The following NEB variants were observed in gnomAD, a reference collection of about 807,000 sequenced individuals.
NEB encodes the protein nemaline myopathy type 2.
NEB carries 512 observed loss-of-function variants against 952.2 expected under a neutral mutation model. The observed-to-expected ratio is 0.54, with a 90% CI of 0.50 to 0.58. NEB has a LOEUF of 0.58. Among genes scored for constraint, NEB ranks in the 20% least tolerant of loss-of-function variants. NEB has a pLI of 0.00. For synonymous variants in NEB, 2,900 were observed against 3,149.8 expected, an observed-to-expected ratio of 0.92 and a Z score of 2.66; for missense variants, 8,428 against 9,231.1, an observed-to-expected ratio of 0.91 and a Z score of 3.56.
At position 151,667,999 on chromosome 2, in the gene NEB, C is replaced by T. The variant is rs142954326; in HGVS notation, c.4612-88G>A. The T allele has an allele frequency of 9.3e-4, 881 of 943,308 alleles. 1 individual carries two copies. Among genetic ancestry groups the T allele is most frequent in the East Asian group, 8.4e-3 (320 of 38,058 alleles). 58.4% of individuals were successfully genotyped at this position (943,308 alleles called of 1,614,324 possible). On this transcript the variant is annotated intron_variant, in intron 39 of 181. Coordinates refer to ENST00000397345, the MANE Select transcript of NEB (RefSeq NM_001164508.2). The stretch of plus-strand genomic sequence containing the variant: ...CCAAAATGTTTCTTATAAAACATGT[C>T]GTAATAGATCCCTTTCTATTAAGAC...
chr2:151,500,114 CAATG>C (rs944814903), intron 168 of NEB, among the ~76,000 whole-genome samples: 4 of 151,952 alleles, frequency 2.6e-5, no homozygotes, highest in African/African-American at 9.7e-5. Flanking sequence ...ACAGGGAAAA[CAATG>C]AGTATAACAT....
At chr2:151,554,825 T>C (rs1333131298) in intron 125 of NEB, 106 bp downstream of exon 125, 14 of 836,606 alleles carry the variant, frequency 1.7e-5, no homozygotes, top group Non-Finnish European at 2.9e-5. Flanking sequence ...CATCTAGGTA[T>C]GTGGAAGTGC....
intron 170 of NEB, 191 bp from the exon 171 acceptor site, chr2:151,497,909 TC>T: frequency 1.4e-6 from 2 of 1,475,330 alleles, no homozygotes; most frequent in Non-Finnish European, 1.8e-6. Context: ...AGCAGGGACT[TC>T]AGCTGCTGAG....
At chr2:151,501,801 T>A (rs2064800301) in intron 167 of NEB, among the ~76,000 whole-genome samples, 1 of 152,058 alleles carries the variant, frequency 6.6e-6, no homozygotes, top group South Asian at 2.1e-4. Context: ...CCATGAGTTG[T>A]TGGTAACATT....
chr2:151,713,720 G>A (rs527241220), intron 10 of NEB, among the ~76,000 whole-genome samples: 1 of 152,208 alleles, frequency 6.6e-6, no homozygotes, highest in South Asian at 2.1e-4. Flanking sequence ...TTCCCCACCT[G>A]GAAGGCCTGT....
At chr2:151,641,649 T>C (rs2098849528) in intron 60 of NEB, among the ~76,000 whole-genome samples, 1 of 152,208 alleles carries the variant, frequency 6.6e-6, no homozygotes, top group Non-Finnish European at 1.5e-5. Context: ...TGATTTTTAA[T>C]GACAGGTAGG....
rs371783915 is a variant in NEB at position 151,490,503 on chromosome 2, C to T, written c.25166G>A (p.Arg8389Gln). Reference protein sequence around the residue: ...LHMINVQAQRRSREQSRSASA... With the variant: ...LHMINVQAQRQSREQSRSASA... ...GGCAGATCGTGACTGCTCCCGGCTC[C>T]GGCGCTGAGCTTGGACTGGGAGAGA... Residue 8389 changes from arginine to glutamine, a missense_variant, in exon 180 of 182, where the codon CGG becomes CAG. By Grantham distance (43) the Arg-to-Gln change is conservative (BLOSUM62 1). Around this residue, in one of 11 missense-constraint regions of NEB, gnomAD observed 3,374 missense variants for 3,651.5 expected, o/e 0.92. Transcript: ENST00000397345. 24 of 1,608,978 alleles carry T rather than the reference C, an allele frequency of 1.5e-5. 1 individual carries two copies. The highest frequency in any genetic ancestry group is 6.7e-5 in the East Asian group (3 of 44,736).
chr2:151,497,824 T>TA (rs1475315948), intron 170 of NEB, 106 bp from the exon 171 acceptor site: 5 of 1,528,880 alleles, frequency 3.3e-6, no homozygotes, highest in East Asian at 4.9e-5. Flanking sequence ...AGCCAGAAGT[T>TA]ATATGCTGAC....
At chr2:151,549,600 C>T in intron 130 of NEB, 36 bp downstream of exon 130, 1 of 1,394,880 alleles carries the variant, frequency 7.2e-7, no homozygotes, top group Non-Finnish European at 1.0e-6. Flanking sequence ...GCCACCCCAC[C>T]TTCAGACCCA....
intron 141 of NEB, among the ~76,000 whole-genome samples, chr2:151,536,415 G>A (rs2093215819): frequency 6.6e-6 from 1 of 152,096 alleles, no homozygotes; most frequent in Non-Finnish European, 1.5e-5. Context: ...ATTTAACTTT[G>A]AAAGTATTTT....
At chr2:151,523,461 TCAAA>T (rs1348078660) in intron 153 of NEB, among the ~76,000 whole-genome samples, 1 of 152,172 alleles carries the variant, frequency 6.6e-6, no homozygotes. Flanking sequence ...ACCTATTTCT[TCAAA>T]CAGATACCTG....
At position 151,707,017 on chromosome 2, in the gene NEB, T is replaced by C; in HGVS notation, c.1036-20A>G. 6.8e-7 allele frequency: 1 copy of C among 1,471,954 alleles called. No individual in the cohort carries two copies. Among genetic ancestry groups the C allele is most frequent in the South Asian group, 1.2e-5 (1 of 81,044 alleles). The allele number at this position is 1,471,954 out of a possible 1,614,324, so 91.2% of individuals were successfully genotyped here. On this transcript the variant is annotated intron_variant, in intron 12 of 181. Coordinates refer to ENST00000397345, the MANE Select transcript of NEB (RefSeq NM_001164508.2). The stretch of plus-strand genomic sequence containing the variant: ...TTTTACCTGTAGGAGTGAAATAAAA[T>C]GATAAAGTAACTCTATGGGTTATTT...
intron 11 of NEB, among the ~76,000 whole-genome samples, 162 bp from the exon 12 acceptor site, chr2:151,709,925 A>T (rs2099739336): frequency 6.6e-6 from 1 of 152,228 alleles, no homozygotes; most frequent in Non-Finnish European, 1.5e-5. Context: ...TACAAAAATG[A>T]TTAGCAACTT....
chr2:151,567,025 T>C (rs2096433666), intron 114 of NEB, 143 bp downstream of exon 114: 1 of 706,486 alleles, frequency 1.4e-6, no homozygotes, highest in Non-Finnish European at 2.3e-6. Context: ...TGATCTTTCT[T>C]CATATCCAGC....
At chr2:151,654,445 G>C (rs1213321843) in intron 51 of NEB, among the ~76,000 whole-genome samples, 1 of 152,148 alleles carries the variant, frequency 6.6e-6, no homozygotes, top group East Asian at 1.9e-4. Flanking sequence ...TAGATATTAA[G>C]ATAATTGCTA....
intron 161 of NEB, among the ~76,000 whole-genome samples, chr2:151,510,751 T>G (rs531315555): frequency 1.3e-5 from 2 of 152,342 alleles, no homozygotes; most frequent in Admixed American, 1.3e-4. Context: ...TATATAGGGT[T>G]AGGTATTGTC....
chr2:151,654,095 A>C lies in NEB; in HGVS notation c.6812T>G (p.Leu2271Arg). Residue 2271 changes from leucine (L) to arginine (R), a missense_variant, in exon 52 of 182, where the codon CTC becomes CGC. Physicochemically the swap from Leu to Arg is moderately radical, Grantham distance 102. Around this residue, in one of 11 missense-constraint regions of NEB, gnomAD observed 2,851 missense variants for 2,791.5 expected, o/e 1.02. Coordinates refer to ENST00000397345, the MANE Select transcript of NEB (RefSeq NM_001164508.2). ...AGCTTCTTCCCATCCAAGTTTATAG[A>C]GTTTCTGAAAATTAAAGATATTCTT... The part of the protein sequence containing the change: ...KQNQTLYSQK[L>R]YKLGWEEALK... 1 of 1,592,560 alleles carries C rather than the reference A, an allele frequency of 6.3e-7. No individual in the cohort carries two copies. Among genetic ancestry groups the C allele is most frequent in the Non-Finnish European group, 8.6e-7 (1 of 1,167,618 alleles).
Position 151,610,594 on chromosome 2 carries a change from T to A in NEB, c.11940A>T (p.Ser3980=). The change falls in exon 80 of 182, where the codon TCA becomes TCT. Residue 3980 remains serine, a synonymous_variant. Coordinates refer to ENST00000397345, the MANE Select transcript of NEB (RefSeq NM_001164508.2). Reference sequence around the variant, plus strand: ...CTCTCAGATCATAGTCCTTCATCTTTGATTCATCCCATCCCTTGGTGTAAA... The same window carrying A: ...CTCTCAGATCATAGTCCTTCATCTTAGATTCATCCCATCCCTTGGTGTAAA... ...QKLYTKGWDE[S]KMKDYDLRAD... The A allele has an allele frequency of 6.2e-7, 1 of 1,613,786 alleles. No individual in the cohort carries two copies. The highest frequency in any genetic ancestry group is 8.5e-7 in the Non-Finnish European group (1 of 1,179,648).
chr2:151,663,704 G>A lies in NEB; in HGVS notation c.5607C>T (p.Phe1869=). Reference sequence around the variant, plus strand: ...CACTGAGCATGTCCACCGGGGTGTGGAAGGAGGTCTTGGATTTCTCATATC... The same window carrying A: ...CACTGAGCATGTCCACCGGGGTGTGAAAGGAGGTCTTGGATTTCTCATATC... ...KKGYEKSKTS[F]HTPVDMLSVV... is the part of the protein sequence containing the mutation. Residue 1869 remains phenylalanine, a synonymous_variant, in exon 45 of 182, where the codon TTC becomes TTT. Coordinates refer to ENST00000397345, the MANE Select transcript of NEB (RefSeq NM_001164508.2). 1 of 1,613,792 alleles carries A rather than the reference G, an allele frequency of 6.2e-7. No individual in the cohort carries two copies. The highest frequency in any genetic ancestry group is 1.1e-5 in the South Asian group (1 of 91,078).
Sources: allele counts gnomAD v4.1 joint callset (sites outside exome capture counted in the v4.1 genomes callset), GRCh38; gene constraint gnomAD v4.1.1; regional missense constraint gnomAD v4.1.1; transcripts MANE v1.5; gene names NCBI Gene and HGNC (gene_info 2026-07-23, HGNC 2026-07-21).